Variants in FCRL3 observed in about 807,000 individuals in gnomAD.
FCRL3 encodes Fc receptor like 3.
In FCRL3, 89 loss-of-function variants were observed where a neutral mutation model predicts 75.0. The observed-to-expected ratio is 1.19, with a 90% CI of 1.00 to 1.42. The LOEUF is 1.42. Ranked by LOEUF, FCRL3 falls within the 40% of genes most tolerant of loss-of-function variation. The probability of loss-of-function intolerance (pLI) is 0.00; values close to 1 mark genes in which losing one functional copy is unlikely to be tolerated. For missense variants in FCRL3, 946 were observed against 880.0 expected, an observed-to-expected ratio of 1.07 and a Z score of -0.95; for synonymous variants, 376 against 348.5, an observed-to-expected ratio of 1.08 and a Z score of -0.88.
At position 157,678,513 on chromosome 1, in the gene FCRL3, A is replaced by G. The variant is rs572177350; in HGVS notation, c.*197T>C. 2.1e-6 allele frequency: 3 copies of G among 1,426,572 alleles called. No individual in the cohort carries two copies. The East Asian group carries it at 7.6e-5, about 36-fold the overall frequency. 88.4% of individuals were successfully genotyped at this position (1,426,572 alleles called of 1,614,324 possible). On this transcript the variant is annotated 3_prime_UTR_variant, in exon 15 of 15. Transcript: ENST00000368184. ...TGTGAAAATAACACAGTGCTTGCTC[A>G]GAGGCTGCCTGCTCTCTTCCTGGGG...
chr1:157,693,268 C>G (rs1206525227), intron 8 of FCRL3, among the ~76,000 whole-genome samples: 1 of 131,120 alleles, frequency 7.6e-6, no homozygotes, highest in African/African-American at 2.9e-5. Flanking sequence ...GAGTAAGACT[C>G]CATCTCAAAA....
At chr1:157,696,780 C>T (rs531552429) in intron 6 of FCRL3, 29 of 219,992 alleles carry the variant, frequency 1.3e-4, no homozygotes, top group African/African-American at 3.9e-4. Flanking sequence ...TTCCCCTTTT[C>T]GGACTATTTT....
At position 157,689,873 on chromosome 1, in the gene FCRL3, C is replaced by T. The variant is rs759615906; in HGVS notation, c.1735G>A (p.Gly579Arg). Residue 579 changes from glycine to arginine, a missense_variant, in exon 10 of 15, where the codon GGG (glycine) becomes AGG (arginine). Gly to Arg is a moderately radical substitution (Grantham distance 125). Transcript: ENST00000368184. ...RTGLTAAGIT[G>R]LVLSILVLAA... ...AGGACGAGGATGCTGAGCACCAGCC[C>T]CGTGATTCCCGCAGCGGTAAGGCCT... 2.5e-6 allele frequency: 4 copies of T among 1,614,160 alleles called. No homozygotes were observed. Among genetic ancestry groups the T allele is most frequent in the Middle Eastern group, 1.6e-4 (1 of 6,062 alleles).
chr1:157,685,938 A>G (rs542113045), intron 10 of FCRL3, among the ~76,000 whole-genome samples: 229 of 152,192 alleles, frequency 1.5e-3, no homozygotes, highest in Non-Finnish European at 2.5e-3. Flanking sequence ...CACTATCACT[A>G]CGCCTATTCA....
At chr1:157,696,579 A>G in intron 6 of FCRL3, 1 of 503,212 alleles carries the variant, frequency 2.0e-6, no homozygotes, top group Non-Finnish European at 3.5e-6. Context: ...TTTTCTGGTC[A>G]CATTTTATAT....
chr1:157,681,216 T>C (rs1654817097), intron 11 of FCRL3, 117 bp from the exon 12 acceptor site: 2 of 541,214 alleles, frequency 3.7e-6, no homozygotes, highest in South Asian at 5.8e-5. Context: ...AAATATTGTG[T>C]CTGCTTCTGC....
Position 157,678,780 on chromosome 1 carries a change from C to T in FCRL3, c.2135G>A (p.Arg712Lys). 2 of 1,614,098 alleles carry T rather than the reference C, an allele frequency of 1.2e-6. No homozygotes were observed. Among genetic ancestry groups the T allele is most frequent in the Non-Finnish European group, 1.7e-6 (2 of 1,180,018 alleles). ...DSAGEASSRG[R>K]AHEEDDEENY... Reference sequence around the variant, plus strand: ...TTCTTCATCATCTTCTTCATGGGCCCTGCCTCTGCTGCTAGCCTCCCCTGC... The same window carrying T: ...TTCTTCATCATCTTCTTCATGGGCCTTGCCTCTGCTGCTAGCCTCCCCTGC... Residue 712 changes from arginine to lysine, a missense_variant, in exon 15 of 15, where the codon AGG (arginine) becomes AAG (lysine). By Grantham distance (26) the Arg-to-Lys change is conservative (BLOSUM62 2). Transcript: ENST00000368184.
At position 157,681,059 on chromosome 1, in the gene FCRL3, G is replaced by A; in HGVS notation, c.1879C>T (p.Pro627Ser). ...GGCTCTTGAGGGTCTATCCTGGAAGGCCTGGACGAGGAAGGCTCCTGACAC... is the reference window on the plus strand; with the variant it reads ...GGCTCTTGAGGGTCTATCCTGGAAGACCTGGACGAGGAAGGCTCCTGACAC... ...SECQEPSSSR[P>S]SRIDPQEPTH... Residue 627 changes from proline (P) to serine (S), a missense_variant, in exon 12 of 15, where the codon CCT (proline) becomes TCT (serine). Pro to Ser is a moderately conservative substitution (Grantham distance 74). Transcript: ENST00000368184. 6.2e-7 allele frequency: 1 copy of A among 1,602,868 alleles called. No homozygotes were observed. Among genetic ancestry groups the A allele is most frequent in the Non-Finnish European group, 8.5e-7 (1 of 1,176,616 alleles).
Position 157,698,552 on chromosome 1 carries a change from A to G in FCRL3, c.130T>C (p.Cys44Arg). The change falls in exon 4 of 15, where the codon TGC becomes CGC. Residue 44 changes from cysteine to arginine, a missense_variant. Physicochemically the swap from Cys to Arg is radical, Grantham distance 180 (BLOSUM62 -3). Coordinates refer to ENST00000368184, the MANE Select transcript of FCRL3 (RefSeq NM_052939.4). ...GCTAGGGAATGTGATATGCTGCTGC[A>G]TATGAGAGCCACTTTTTCTCCTTTG... is the stretch of plus-strand genomic sequence containing the variant. ...AFKGEKVALI[C>R]SSISHSLAQG... 1 of 1,614,210 alleles carries G rather than the reference A, an allele frequency of 6.2e-7. No individual in the cohort carries two copies. Among genetic ancestry groups the G allele is most frequent in the South Asian group, 1.1e-5 (1 of 91,082 alleles).
chr1:157,690,559 G>A lies in FCRL3; in HGVS notation c.1412-26C>T, dbSNP rs774578942. On this transcript the variant is annotated intron_variant, in intron 8 of 14. Transcript: ENST00000368184. Reference sequence around the variant, plus strand: ...CTGAGGGAGGAAAAATAGTTCACTGGCAGTTTTACTTAAGTAGGTATACAA... The same window carrying A: ...CTGAGGGAGGAAAAATAGTTCACTGACAGTTTTACTTAAGTAGGTATACAA... 26 of 1,610,640 alleles carry A rather than the reference G, an allele frequency of 1.6e-5. No individual in the cohort carries two copies. In the South Asian group the frequency reaches 2.9e-4, roughly 18 times the overall value.
rs755590919 is a variant in FCRL3, at chr1:157,681,040, T to C, written c.1898A>G (p.Gln633Arg). 4.4e-6 allele frequency: 7 copies of C among 1,606,664 alleles called. No homozygotes were observed. The South Asian group carries it at 7.8e-5, about 18-fold the overall frequency. The stretch of plus-strand genomic sequence containing the variant: ...TAGTGGTTTAGAGTGAGTGGGCTCT[T>C]GAGGGTCTATCCTGGAAGGCCTGGA... ...SSSRPSRIDP[Q>R]EPTHSKPLAP... The change falls in exon 12 of 15, where the codon CAA (glutamine) becomes CGA (arginine). Residue 633 changes from glutamine to arginine, a missense_variant. Transcript: ENST00000368184.
In FCRL3 at chr1:157,676,954, A is replaced by G. The variant is rs1300340244; in HGVS notation, c.*1756T>C. On this transcript the variant is annotated 3_prime_UTR_variant, in exon 15 of 15. Coordinates refer to ENST00000368184, the MANE Select transcript of FCRL3 (RefSeq NM_052939.4). ...TACATATTTTCACCATAGAGAAAAAAACAGCAGAATGTATCACATAGAAGA... is the reference window on the plus strand; with the variant it reads ...TACATATTTTCACCATAGAGAAAAAGACAGCAGAATGTATCACATAGAAGA... The G allele has an allele frequency of 1.4e-6, 2 of 1,403,922 alleles. No individual in the cohort carries two copies. Among genetic ancestry groups the G allele is most frequent in the Admixed American group, 2.9e-5 (1 of 34,248 alleles). The allele number at this position is 1,403,922 out of a possible 1,614,324, so 87.0% of individuals were successfully genotyped here. A position where few individuals can be genotyped will look rare whatever the true frequency, so the allele number is the denominator to read the frequency against.
chr1:157,700,104 C>T (rs952874164), intron 2 of FCRL3, among the ~76,000 whole-genome samples: 1 of 152,152 alleles, frequency 6.6e-6, no homozygotes, highest in African/African-American at 2.4e-5. Context: ...TCTCAGTAAA[C>T]CTTCCTTCAC....
rs763626120 is a variant in FCRL3, at chr1:157,681,018, T to C, written c.1920A>G (p.Pro640=). Residue 640 remains proline (P), a synonymous_variant, in exon 12 of 15, where the codon CCA becomes CCG. Coordinates refer to ENST00000368184, the MANE Select transcript of FCRL3 (RefSeq NM_052939.4). ...TTGGCTCCAGCTCCATTGGGGCTAG[T>C]GGTTTAGAGTGAGTGGGCTCTTGAG... ...IDPQEPTHSK[P]LAPMELEPMY... is the part of the protein sequence containing the mutation. The C allele has an allele frequency of 6.2e-7, 1 of 1,601,428 alleles. No homozygotes were observed. Among genetic ancestry groups the C allele is most frequent in the Admixed American group, 1.8e-5 (1 of 56,616 alleles).
Position 157,697,888 on chromosome 1 carries a change from G to A in FCRL3, c.330C>T (p.Val110=). 6.2e-7 allele frequency: 1 copy of A among 1,614,012 alleles called. No homozygotes were observed. The highest frequency in any genetic ancestry group is 8.5e-7 in the Non-Finnish European group (1 of 1,180,014). ...TCAGAATGACATTGTCTCCTTCAAA[G>A]ACAGGATGTAAAGCCTGCAGGATCA... The part of the protein sequence containing the change: ...DWLILQALHP[V]FEGDNVILRC... The change falls in exon 5 of 15, where the codon GTC becomes GTT. Residue 110 remains valine (V), a synonymous_variant. Coordinates refer to ENST00000368184, the MANE Select transcript of FCRL3 (RefSeq NM_052939.4).
chr1:157,679,117 C>G lies in FCRL3; in HGVS notation c.2027-144G>C, dbSNP rs954150058. On this transcript the variant is annotated intron_variant, in intron 13 of 14. Transcript: ENST00000368184. Reference sequence around the variant, plus strand: ...CCTCTGCTGGATTCTTCCAAACCCACATAGAAAAAGTACTCCAAGCCAATC... The same window carrying G: ...CCTCTGCTGGATTCTTCCAAACCCAGATAGAAAAAGTACTCCAAGCCAATC... 1.6e-4 allele frequency: 147 copies of G among 912,956 alleles called. No homozygotes were observed. The East Asian group carries it at 3.8e-3, about 24-fold the overall frequency. The allele number at this position is 912,956 out of a possible 1,614,324, so 56.6% of individuals were successfully genotyped here. A position where few individuals can be genotyped will look rare whatever the true frequency, so the allele number is the denominator to read the frequency against.
chr1:157,697,472 T>C, intron 5 of FCRL3, 48 bp from the exon 6 acceptor site: 2 of 1,519,264 alleles, frequency 1.3e-6, no homozygotes, highest in Non-Finnish European at 1.8e-6. Context: ...GGCTCAGAGT[T>C]CCTAGAGAGA....
chr1:157,680,681 T>A (rs201537255), intron 13 of FCRL3, 21 bp downstream of exon 13: 1 of 1,609,364 alleles, frequency 6.2e-7, no homozygotes, highest in South Asian at 1.1e-5. Context: ...CTCACCTCTA[T>A]TTGCCTGAAA....
intron 2 of FCRL3, 50 bp downstream of exon 2, chr1:157,700,409 G>C (rs373936587): frequency 4.3e-6 from 7 of 1,612,898 alleles, no homozygotes; most frequent in Admixed American, 1.7e-5. Context: ...TTTTTCCCTG[G>C]TCACCTTTAG....
Sources: allele counts gnomAD v4.1 joint callset (sites outside exome capture counted in the v4.1 genomes callset), GRCh38; gene constraint gnomAD v4.1.1; transcripts MANE v1.5; gene names NCBI Gene and HGNC (gene_info 2026-07-23, HGNC 2026-07-21).